Variants in CCDC15 observed in about 807,000 individuals in gnomAD.
CCDC15 encodes the protein coiled-coil domain containing 15, also known as coiled-coil domain-containing protein 15.
A neutral mutation model predicts 114.5 loss-of-function variants in CCDC15; 105 were observed. The ratio of observed to expected loss-of-function variants is 0.92; its 90% CI spans 0.78 to 1.08. The LOEUF (loss-of-function observed/expected upper bound fraction) is 1.08. Among genes scored for constraint, CCDC15 ranks in the 50% least tolerant of loss-of-function variants. The pLI, the probability that CCDC15 is intolerant of heterozygous loss-of-function variation, is 0.00. For synonymous variants in CCDC15, 334 were observed against 377.8 expected (o/e 0.88, Z 1.34); for missense variants, 1,105 against 1,093.6 (o/e 1.01, Z -0.15).
intron 4 of CCDC15, among the ~76,000 whole-genome samples, chr11:124,974,370 G>A (rs1391489212): frequency 6.6e-6 from 1 of 152,152 alleles, no homozygotes; most frequent in African/African-American, 2.4e-5. Context: ...AATAGGCTGT[G>A]CTTCTCTGAA....
At chr11:124,960,323 C>CAA (rs1206885094) in intron 4 of CCDC15, among the ~76,000 whole-genome samples, 5 of 23,480 alleles carry the variant, frequency 2.1e-4, no homozygotes, top group Admixed American at 5.3e-4. Context: ...GACTCCGTCT[C>CAA]AAAAAAAAAA....
rs1591562372 is a variant in CCDC15 at position 124,954,655 on chromosome 11, A to G, written c.-9-69A>G. Reference sequence around the variant, plus strand: ...TCTCCTTTTCACGGGCCTGTGGCTCATGTGTTAGGAGGTTGAACTTTTAAT... The same window carrying G: ...TCTCCTTTTCACGGGCCTGTGGCTCGTGTGTTAGGAGGTTGAACTTTTAAT... On this transcript the variant is annotated intron_variant, in intron 1 of 15. Coordinates refer to ENST00000344762, the MANE Select transcript of CCDC15 (RefSeq NM_025004.3). The G allele has an allele frequency of 6.5e-6, 9 of 1,395,284 alleles. No homozygotes were observed. The South Asian group carries it at 8.9e-5, about 14-fold the overall frequency. The allele number at this position is 1,395,284 out of a possible 1,614,324, so 86.4% of individuals were successfully genotyped here.
intron 11 of CCDC15, among the ~76,000 whole-genome samples, chr11:124,997,784 A>G (rs1948400378): frequency 6.6e-6 from 1 of 152,172 alleles, no homozygotes; most frequent in East Asian, 1.9e-4. Flanking sequence ...TCTACTAAAA[A>G]TATAAAAATT....
intron 6 of CCDC15, among the ~76,000 whole-genome samples, chr11:124,980,600 G>A (rs1413247024): frequency 2.0e-5 from 3 of 152,130 alleles, no homozygotes; most frequent in Admixed American, 6.5e-5. Flanking sequence ...TTGTGTTTCT[G>A]TGAGGCCAGT....
intron 11 of CCDC15, among the ~76,000 whole-genome samples, chr11:124,995,760 T>C (rs766609402): frequency 2.2e-4 from 33 of 152,196 alleles, no homozygotes; most frequent in Non-Finnish European, 2.5e-4. Flanking sequence ...GTTACAGCTT[T>C]GGTGATCTGA....
At chr11:124,960,045 C>T (rs1442434419) in intron 4 of CCDC15, 42 bp downstream of exon 4, 2 of 1,447,082 alleles carry the variant, frequency 1.4e-6, no homozygotes, top group East Asian at 2.5e-5. Context: ...TGATATTTTC[C>T]CTATCCCCTA....
At chr11:124,988,405 A>G (rs71474119) in intron 8 of CCDC15, among the ~76,000 whole-genome samples, 28,624 of 152,182 alleles carry the variant, frequency 0.19, 3,073 homozygotes, top group African/African-American at 0.28. Flanking sequence ...AAAATACTTT[A>G]TTGCTAAAAA....
chr11:124,954,590 G>C, intron 1 of CCDC15, 134 bp from the exon 2 acceptor site: 1 of 635,004 alleles, frequency 1.6e-6, no homozygotes, highest in Non-Finnish European at 2.7e-6. Context: ...TAGAATCCGT[G>C]TGTTTCCACT....
chr11:124,980,490 C>G (rs1401349803), intron 6 of CCDC15, among the ~76,000 whole-genome samples: 3 of 152,082 alleles, frequency 2.0e-5, no homozygotes, highest in African/African-American at 7.2e-5. Flanking sequence ...TTTCCTGGTT[C>G]AATCTTGGGA....
At chr11:124,997,228 T>A (rs897679543) in intron 11 of CCDC15, among the ~76,000 whole-genome samples, 15 of 152,068 alleles carry the variant, frequency 9.9e-5, no homozygotes, top group African/African-American at 3.6e-4. Flanking sequence ...GCTAAAAAAA[T>A]GGGTAATGGA....
intron 6 of CCDC15, among the ~76,000 whole-genome samples, chr11:124,979,986 G>C (rs1459257106): frequency 6.6e-6 from 1 of 152,066 alleles, no homozygotes; most frequent in Non-Finnish European, 1.5e-5. Context: ...TAACATGAAA[G>C]GATGTTGAAT....
chr11:124,977,414 C>G (rs898110107), intron 5 of CCDC15, 64 bp from the exon 6 acceptor site: 39 of 1,403,414 alleles, frequency 2.8e-5, no homozygotes, highest in Non-Finnish European at 3.3e-5. Flanking sequence ...AGAAACTCAA[C>G]TTAGTCTCAT....
chr11:125,032,683 G>A (rs1034266843), intron 13 of CCDC15, among the ~76,000 whole-genome samples: 4 of 152,114 alleles, frequency 2.6e-5, no homozygotes, highest in Non-Finnish European at 4.4e-5. Context: ...CACCGTAATA[G>A]CCCTCACCCT....
chr11:125,037,557 C>G (rs962563179), intron 13 of CCDC15: 4 of 152,276 alleles, frequency 2.6e-5, no homozygotes, highest in Admixed American at 2.0e-4. Context: ...TCTCTCTGCA[C>G]TCTTAACTCC....
At chr11:125,032,518 G>A (rs191470491) in intron 13 of CCDC15, among the ~76,000 whole-genome samples, 124 of 152,288 alleles carry the variant, frequency 8.1e-4, no homozygotes, top group African/African-American at 2.9e-3. Context: ...AAATGGGAGA[G>A]TTGAATGAGG....
At chr11:125,032,538 G>A (rs1272133641) in intron 13 of CCDC15, among the ~76,000 whole-genome samples, 2 of 152,194 alleles carry the variant, frequency 1.3e-5, no homozygotes, top group African/African-American at 2.4e-5. Context: ...GATGTGGTGG[G>A]AATCACCAAC....
chr11:125,028,768 A>T (rs1948720717), intron 13 of CCDC15, among the ~76,000 whole-genome samples: 1 of 152,078 alleles, frequency 6.6e-6, no homozygotes, highest in Admixed American at 6.6e-5. Context: ...TCATCTTTTC[A>T]AGTTTAGATG....
intron 4 of CCDC15, among the ~76,000 whole-genome samples, chr11:124,974,833 T>G (rs1319998459): frequency 1.3e-5 from 2 of 152,238 alleles, no homozygotes; most frequent in African/African-American, 2.4e-5. Context: ...GTGTACATGC[T>G]TTATATAAAG....
chr11:125,020,932 C>CT (rs1246618649), intron 13 of CCDC15, among the ~76,000 whole-genome samples: 1 of 150,268 alleles, frequency 6.7e-6, no homozygotes, highest in African/African-American at 2.4e-5. Flanking sequence ...TTTTTTTTTC[C>CT]TAGGAGAATA....
Sources: allele counts gnomAD v4.1 joint callset (sites outside exome capture counted in the v4.1 genomes callset), GRCh38; gene constraint gnomAD v4.1.1; transcripts MANE v1.5; gene names NCBI Gene and HGNC (gene_info 2026-07-23, HGNC 2026-07-21).